Variants in TMEM250 observed in about 807,000 individuals in gnomAD.
TMEM250 encodes the protein herpes virus UL25-binding protein.
In TMEM250, 7 loss-of-function variants were observed where a neutral mutation model predicts 7.0. The observed-to-expected ratio is 1.00, with a 90% CI of 0.57 to 1.87. TMEM250 has a LOEUF of 1.87. TMEM250 is among the 40% of genes most tolerant of loss of function. The pLI, the probability that TMEM250 is intolerant of heterozygous loss-of-function variation, is 0.00. For synonymous variants in TMEM250, 135 were observed against 96.7 expected, an observed-to-expected ratio of 1.40 and a Z score of -2.32; for missense variants, 196 against 202.5, an observed-to-expected ratio of 0.97 and a Z score of 0.19.
Position 136,116,885 on chromosome 9 carries a change from T to C in TMEM250, c.16A>G (p.Ile6Val). The change falls in exon 2 of 2, where the codon ATT becomes GTT. Residue 6 changes from isoleucine to valine, a missense_variant. Coordinates refer to ENST00000418388, the MANE Select transcript of TMEM250 (RefSeq NM_152833.3). MPVMP[I>V]PRRVRSFHGP... ...TGGAAGGAGCGCACCCGCCGCGGAA[T>C]GGGCATGACCGGCATTGGGCCCCGG... 4 of 1,569,902 alleles carry C rather than the reference T, an allele frequency of 2.5e-6. No homozygotes were observed. Among genetic ancestry groups the C allele is most frequent in the Non-Finnish European group, 3.4e-6 (4 of 1,161,038 alleles).
At chr9:136,117,336 AGT>A (rs1215242643) in intron 1 of TMEM250, among the ~76,000 whole-genome samples, 2 of 152,188 alleles carry the variant, frequency 1.3e-5, no homozygotes, top group African/African-American at 4.8e-5. Flanking sequence ...AAGGGGCAAG[AGT>A]GGCTCTTTCC....
rs922672499 is a variant in TMEM250, at chr9:136,115,522, T to A, written c.*959A>T. 7 of 152,354 alleles carry A rather than the reference T, an allele frequency of 4.6e-5. No individual in the cohort carries two copies. The highest frequency in any genetic ancestry group is 1.3e-4 in the Admixed American group (2 of 15,292). 9.4% of individuals were successfully genotyped at this position (152,354 alleles called of 1,614,324 possible). A position where few individuals can be genotyped will look rare whatever the true frequency, so the allele number is the denominator to read the frequency against. On this transcript the variant is annotated 3_prime_UTR_variant, in exon 2 of 2. Coordinates refer to ENST00000418388, the MANE Select transcript of TMEM250 (RefSeq NM_152833.3). The stretch of plus-strand genomic sequence containing the variant: ...GCTGTGTTTGCCGCACTGAGGCCTC[T>A]GCCGCCTGCTCCGGACACTTGGGAC...
In TMEM250 at chr9:136,115,595, T is replaced by G. The variant is rs1830684825; in HGVS notation, c.*886A>C. The stretch of plus-strand genomic sequence containing the variant: ...TGAAGCCTCGATCTCCCAGGCTTTC[T>G]TTGACGGTGTTCCCTCAAAGAAAGA... On this transcript the variant is annotated 3_prime_UTR_variant, in exon 2 of 2. Coordinates refer to ENST00000418388, the MANE Select transcript of TMEM250 (RefSeq NM_152833.3). 1 of 152,460 alleles carries G rather than the reference T, an allele frequency of 6.6e-6. No homozygotes were observed. Among genetic ancestry groups the G allele is most frequent in the Non-Finnish European group, 1.5e-5 (1 of 68,204 alleles). The allele number at this position is 152,460 out of a possible 1,614,324, so 9.4% of individuals were successfully genotyped here.
chr9:136,116,311 G>A lies in TMEM250; in HGVS notation c.*170C>T. The A allele has an allele frequency of 7.4e-7, 1 of 1,356,120 alleles. No homozygotes were observed. Among genetic ancestry groups the A allele is most frequent in the Admixed American group, 2.9e-5 (1 of 34,450 alleles). 84.0% of individuals were successfully genotyped at this position (1,356,120 alleles called of 1,614,324 possible). A position where few individuals can be genotyped will look rare whatever the true frequency, so the allele number is the denominator to read the frequency against. Reference sequence around the variant, plus strand: ...GGGTCCAGGAAGCCAGCCTAGGGGTGGTGTCCGCGCCCCCATCACAGAAGT... The same window carrying A: ...GGGTCCAGGAAGCCAGCCTAGGGGTAGTGTCCGCGCCCCCATCACAGAAGT... On this transcript the variant is annotated 3_prime_UTR_variant, in exon 2 of 2. Transcript: ENST00000418388.
rs1469001669 is a variant in TMEM250 at position 136,115,568 on chromosome 9, A to G, written c.*913T>C. On this transcript the variant is annotated 3_prime_UTR_variant, in exon 2 of 2. Coordinates refer to ENST00000418388, the MANE Select transcript of TMEM250 (RefSeq NM_152833.3). ...GGGACACGCGTTTCCATCCTGGCTC[A>G]CTGAAGCCTCGATCTCCCAGGCTTT... The G allele has an allele frequency of 1.3e-5, 2 of 152,298 alleles. No individual in the cohort carries two copies. Among genetic ancestry groups the G allele is most frequent in the Non-Finnish European group, 2.9e-5 (2 of 68,132 alleles). 9.4% of individuals were successfully genotyped at this position (152,298 alleles called of 1,614,324 possible).
chr9:136,116,260 C>T lies in TMEM250; in HGVS notation c.*221G>A. On this transcript the variant is annotated 3_prime_UTR_variant, in exon 2 of 2. Coordinates refer to ENST00000418388, the MANE Select transcript of TMEM250 (RefSeq NM_152833.3). Reference sequence around the variant, plus strand: ...AGGAGCCACCGGCAGGTGGGCGCTGCCCCTGAGAGTGCATACGGGGAGGGT... The same window carrying T: ...AGGAGCCACCGGCAGGTGGGCGCTGTCCCTGAGAGTGCATACGGGGAGGGT... 4 of 920,042 alleles carry T rather than the reference C, an allele frequency of 4.3e-6. No individual in the cohort carries two copies. The highest frequency in any genetic ancestry group is 4.7e-6 in the Non-Finnish European group (3 of 640,070). 57.0% of individuals were successfully genotyped at this position (920,042 alleles called of 1,614,324 possible). A position where few individuals can be genotyped will look rare whatever the true frequency, so the allele number is the denominator to read the frequency against.
rs1421508943 is a variant in TMEM250, at chr9:136,116,824, C to T, written c.77G>A (p.Gly26Glu). The change falls in exon 2 of 2, where the codon GGG (glycine) becomes GAG (glutamate). Residue 26 changes from glycine to glutamate, a missense_variant. Physicochemically the swap from Gly to Glu is moderately conservative, Grantham distance 98. Coordinates refer to ENST00000418388, the MANE Select transcript of TMEM250 (RefSeq NM_152833.3). ...PHTTCLHAAC[G>E]PVRASHLART... ...GGCCAGGTGGGAGGCGCGCACGGGCCCGCAGGCCGCATGCAGGCAGGTGGT... is the reference window on the plus strand; with the variant it reads ...GGCCAGGTGGGAGGCGCGCACGGGCTCGCAGGCCGCATGCAGGCAGGTGGT... The T allele has an allele frequency of 2.9e-5, 46 of 1,609,924 alleles. No homozygotes were observed. Among genetic ancestry groups the T allele is most frequent in the Non-Finnish European group, 3.9e-5 (46 of 1,179,014 alleles).
At position 136,116,283 on chromosome 9, in the gene TMEM250, G is replaced by T; in HGVS notation, c.*198C>A. 8.8e-7 allele frequency: 1 copy of T among 1,139,026 alleles called. No homozygotes were observed. The highest frequency in any genetic ancestry group is 1.2e-6 in the Non-Finnish European group (1 of 834,304). The allele number at this position is 1,139,026 out of a possible 1,614,324, so 70.6% of individuals were successfully genotyped here. A position where few individuals can be genotyped will look rare whatever the true frequency, so the allele number is the denominator to read the frequency against. On this transcript the variant is annotated 3_prime_UTR_variant, in exon 2 of 2. Transcript: ENST00000418388. ...TGCCCCTGAGAGTGCATACGGGGAG[G>T]GTGGGTCCAGGAAGCCAGCCTAGGG...
chr9:136,116,881 G>C lies in TMEM250; in HGVS notation c.20C>G (p.Pro7Arg). The C allele has an allele frequency of 6.4e-7, 1 of 1,572,438 alleles. No individual in the cohort carries two copies. The highest frequency in any genetic ancestry group is 8.6e-7 in the Non-Finnish European group (1 of 1,162,298). Residue 7 changes from proline to arginine, a missense_variant, in exon 2 of 2, where the codon CCG becomes CGG. Transcript: ENST00000418388. MPVMPIPRRVRSFHGPH... is the reference protein window; with the variant it reads MPVMPIRRRVRSFHGPH... ...GCCGTGGAAGGAGCGCACCCGCCGCGGAATGGGCATGACCGGCATTGGGCC... is the reference window on the plus strand; with the variant it reads ...GCCGTGGAAGGAGCGCACCCGCCGCCGAATGGGCATGACCGGCATTGGGCC...
chr9:136,116,418 C>T lies in TMEM250; in HGVS notation c.*63G>A. 1 of 1,449,826 alleles carries T rather than the reference C, an allele frequency of 6.9e-7. No individual in the cohort carries two copies. Among genetic ancestry groups the T allele is most frequent in the Non-Finnish European group, 9.1e-7 (1 of 1,103,272 alleles). The allele number at this position is 1,449,826 out of a possible 1,614,324, so 89.8% of individuals were successfully genotyped here. On this transcript the variant is annotated 3_prime_UTR_variant, in exon 2 of 2. Coordinates refer to ENST00000418388, the MANE Select transcript of TMEM250 (RefSeq NM_152833.3). ...GGGCGAAGGGAAGGCGCTGGCCGAC[C>T]CCACCCATGGAGAGAACACAGCCAC...
rs777700668 is a variant in TMEM250 at position 136,116,509 on chromosome 9, C to A, written c.392G>T (p.Trp131Leu). ...CATGTCCACGAAGACCATGAAGCAC[C>A]AGCCCAGGCCCCCGACCAGCAGCAT... Reference protein sequence around the residue: ...VTMLLVGGLGWCFMVFVDM With the variant: ...VTMLLVGGLGLCFMVFVDM The change falls in exon 2 of 2, where the codon TGG becomes TTG. Residue 131 changes from tryptophan (W) to leucine (L), a missense_variant. By Grantham distance (61) the Trp-to-Leu change is moderately conservative. Transcript: ENST00000418388. The A allele has an allele frequency of 6.4e-7, 1 of 1,567,654 alleles. No individual in the cohort carries two copies. Among genetic ancestry groups the A allele is most frequent in the Non-Finnish European group, 8.6e-7 (1 of 1,164,242 alleles).
rs536633706 is a variant in TMEM250 at position 136,115,421 on chromosome 9, T to C, written c.*1060A>G. 6.6e-6 allele frequency: 1 copy of C among 152,370 alleles called. No homozygotes were observed. Among genetic ancestry groups the C allele is most frequent in the South Asian group, 2.1e-4 (1 of 4,824 alleles). 9.4% of individuals were successfully genotyped at this position (152,370 alleles called of 1,614,324 possible). A position where few individuals can be genotyped will look rare whatever the true frequency, so the allele number is the denominator to read the frequency against. ...GCCATCATTTGGGCCCCCCAGACACTGGAGGACAGCGTGAGATAAGATCTC... is the reference window on the plus strand; with the variant it reads ...GCCATCATTTGGGCCCCCCAGACACCGGAGGACAGCGTGAGATAAGATCTC... On this transcript the variant is annotated 3_prime_UTR_variant, in exon 2 of 2. Transcript: ENST00000418388.
chr9:136,115,122 T>C lies in TMEM250; in HGVS notation c.*1359A>G, dbSNP rs189763109. On this transcript the variant is annotated 3_prime_UTR_variant, in exon 2 of 2. Coordinates refer to ENST00000418388, the MANE Select transcript of TMEM250 (RefSeq NM_152833.3). ...TCACAAGTCCCACCCATGCCCAGAG[T>C]GTGGGGACATGGATTTGAGGTGACA... is the stretch of plus-strand genomic sequence containing the variant. The C allele has an allele frequency of 6.6e-6, 1 of 152,250 alleles. No homozygotes were observed. Among genetic ancestry groups the C allele is most frequent in the Admixed American group, 6.5e-5 (1 of 15,284 alleles). The allele number at this position is 152,250 out of a possible 1,614,324, so 9.4% of individuals were successfully genotyped here. A position where few individuals can be genotyped will look rare whatever the true frequency, so the allele number is the denominator to read the frequency against.
chr9:136,116,547 G>T lies in TMEM250; in HGVS notation c.354C>A (p.Gly118=). The T allele has an allele frequency of 6.3e-7, 1 of 1,595,588 alleles. No individual in the cohort carries two copies. The highest frequency in any genetic ancestry group is 8.5e-7 in the Non-Finnish European group (1 of 1,178,342). The change falls in exon 2 of 2, where the codon GGC becomes GGA. Residue 118 remains glycine (G), a synonymous_variant. Transcript: ENST00000418388. ...CGACCAGCAGCATGGTGACGTGGAT[G>T]CCATAGACGAGCAGCTCGTTCACCA... ...FRLVNELLVY[G]IHVTMLLVGG...
At chr9:136,117,451 T>C (rs1022918470) in intron 1 of TMEM250, among the ~76,000 whole-genome samples, 6 of 152,194 alleles carry the variant, frequency 3.9e-5, no homozygotes, top group African/African-American at 1.2e-4. Context: ...CCAGGGCTGA[T>C]GCAAGCCCTT....
chr9:136,117,011 G>C lies in TMEM250; in HGVS notation c.-111C>G. 7.4e-7 allele frequency: 1 copy of C among 1,350,840 alleles called. No individual in the cohort carries two copies. Among genetic ancestry groups the C allele is most frequent in the Non-Finnish European group, 9.5e-7 (1 of 1,055,394 alleles). 83.7% of individuals were successfully genotyped at this position (1,350,840 alleles called of 1,614,324 possible). ...CCTGGGAGCCCGCAGCTGACCCTGG[G>C]GGGAGGCGTCGGCCTGCGGGGAGAG... On this transcript the variant is annotated 5_prime_UTR_variant, in exon 2 of 2. Coordinates refer to ENST00000418388, the MANE Select transcript of TMEM250 (RefSeq NM_152833.3).
rs1406735114 is a variant in TMEM250 at position 136,116,076 on chromosome 9, G to A, written c.*405C>T. The A allele has an allele frequency of 2.4e-6, 1 of 417,270 alleles. No homozygotes were observed. The highest frequency in any genetic ancestry group is 4.2e-6 in the Non-Finnish European group (1 of 237,422). The allele number at this position is 417,270 out of a possible 1,614,324, so 25.8% of individuals were successfully genotyped here. On this transcript the variant is annotated 3_prime_UTR_variant, in exon 2 of 2. Transcript: ENST00000418388. ...GCAGAAGGGGCTGTGCAGCCAGGAG[G>A]GCCCCCCTCCGGAATTGCTCCTGGG...
chr9:136,115,196 G>A lies in TMEM250; in HGVS notation c.*1285C>T, dbSNP rs772856586. The A allele has an allele frequency of 6.6e-6, 1 of 152,318 alleles. No homozygotes were observed. Among genetic ancestry groups the A allele is most frequent in the Non-Finnish European group, 1.5e-5 (1 of 68,128 alleles). 9.4% of individuals were successfully genotyped at this position (152,318 alleles called of 1,614,324 possible). A position where few individuals can be genotyped will look rare whatever the true frequency, so the allele number is the denominator to read the frequency against. On this transcript the variant is annotated 3_prime_UTR_variant, in exon 2 of 2. Transcript: ENST00000418388. Reference sequence around the variant, plus strand: ...TGTGTCCTGCTCTAGGGTAGCCTCTGCCTGTTGTCCTTGCAATCATTATTC... The same window carrying A: ...TGTGTCCTGCTCTAGGGTAGCCTCTACCTGTTGTCCTTGCAATCATTATTC...
chr9:136,117,297 C>G (rs575931800), intron 1 of TMEM250, among the ~76,000 whole-genome samples: 1 of 152,216 alleles, frequency 6.6e-6, no homozygotes, highest in Non-Finnish European at 1.5e-5. Context: ...GGGAGGCCCC[C>G]GGAAGTGGTC....
Sources: allele counts gnomAD v4.1 joint callset (sites outside exome capture counted in the v4.1 genomes callset), GRCh38; gene constraint gnomAD v4.1.1; transcripts MANE v1.5; gene names NCBI Gene and HGNC (gene_info 2026-07-23, HGNC 2026-07-21).